The following C8orf34 variants were observed in gnomAD, a reference collection of about 807,000 sequenced individuals.
C8orf34 encodes the protein uncharacterized protein C8orf34.
Under a neutral mutation model 68.3 loss-of-function variants are expected in C8orf34, and 65 were observed. The observed-to-expected ratio is 0.95, with a 90% CI of 0.78 to 1.17. The LOEUF (loss-of-function observed/expected upper bound fraction) is 1.17, where lower values mean the gene tolerates loss of function less well. Ranked by LOEUF, C8orf34 falls within the 50% of genes most tolerant of loss-of-function variation. C8orf34 has a pLI of 0.00. For synonymous variants in C8orf34, 244 were observed against 241.2 expected (o/e 1.01, Z -0.11); for missense variants, 664 against 655.4 (o/e 1.01, Z -0.14).
In C8orf34 at chr8:68,627,113, A is replaced by AATT. The variant is rs1422901710; in HGVS notation, c.1106-13262_1106-13260dup. Among the ~76,000 whole-genome samples, 3 of 152,158 alleles carry AATT rather than the reference A, an allele frequency of 2.0e-5. 1 individual carries two copies. Among genetic ancestry groups the AATT allele is most frequent in the Admixed American group, 2.0e-4 (3 of 15,266 alleles). On this transcript the variant is annotated intron_variant, in intron 7 of 13. Transcript: ENST00000518698. ...TACCCATCATCTTACAATAATCAAT[A>AATT]ATTTACATAATCCTAGTCTTTTAGG...
At chr8:68,536,251 T>A (rs1220565586) in intron 7 of C8orf34, among the ~76,000 whole-genome samples, 1 of 148,816 alleles carries the variant, frequency 6.7e-6, no homozygotes, top group Non-Finnish European at 1.5e-5. Flanking sequence ...TGTGGTTGCA[T>A]GCACCTATAG....
chr8:68,482,112 C>G (rs1438450997), intron 4 of C8orf34, among the ~76,000 whole-genome samples: 2 of 152,148 alleles, frequency 1.3e-5, no homozygotes, highest in Non-Finnish European at 2.9e-5. Context: ...ACCAGATTAT[C>G]CTGTGCTATT....
intron 7 of C8orf34, among the ~76,000 whole-genome samples, chr8:68,562,651 G>C (rs79511873): frequency 6.6e-6 from 1 of 152,108 alleles, no homozygotes; most frequent in East Asian, 1.9e-4. Context: ...GTTGTTGTTT[G>C]TAAAAGGACT....
At chr8:68,413,641 A>G (rs921064800) in intron 1 of C8orf34, among the ~76,000 whole-genome samples, 3 of 152,126 alleles carry the variant, frequency 2.0e-5, no homozygotes, top group Non-Finnish European at 4.4e-5. Flanking sequence ...CAAGCCTGAC[A>G]CCTAGGTGGT....
chr8:68,440,153 C>T (rs983104154), intron 2 of C8orf34, among the ~76,000 whole-genome samples: 1 of 152,152 alleles, frequency 6.6e-6, no homozygotes, highest in African/African-American at 2.4e-5. Flanking sequence ...TCATAGCCTC[C>T]TCTCCCCAGT....
chr8:68,538,025 A>T (rs1815550918), intron 7 of C8orf34, among the ~76,000 whole-genome samples: 1 of 152,174 alleles, frequency 6.6e-6, no homozygotes, highest in South Asian at 2.1e-4. Flanking sequence ...CTAAACCCAT[A>T]AACAAATTAT....
chr8:68,467,828 G>A (rs1334462069), intron 3 of C8orf34, among the ~76,000 whole-genome samples: 1 of 151,984 alleles, frequency 6.6e-6, no homozygotes, highest in Non-Finnish European at 1.5e-5. Flanking sequence ...CTTAGGCCAA[G>A]TGTTGCCTTT....
chr8:68,480,400 T>C (rs1812808731), intron 4 of C8orf34, among the ~76,000 whole-genome samples: 1 of 152,190 alleles, frequency 6.6e-6, no homozygotes, highest in South Asian at 2.1e-4. Context: ...TATGTCTTTA[T>C]CAGCAGTGTG....
chr8:68,469,455 G>C (rs1812286884), intron 4 of C8orf34, among the ~76,000 whole-genome samples: 1 of 151,954 alleles, frequency 6.6e-6, no homozygotes, highest in African/African-American at 2.4e-5. Context: ...AGGTGTGAAG[G>C]TTTAAAAATG....
At chr8:68,443,258 G>T (rs939183874) in intron 2 of C8orf34, among the ~76,000 whole-genome samples, 5 of 151,980 alleles carry the variant, frequency 3.3e-5, no homozygotes, top group African/African-American at 1.2e-4. Context: ...TAGAGGGAAC[G>T]TATGGCAGGA....
rs185740185 is a variant in C8orf34 at position 68,455,738 on chromosome 8, C to T, written c.607+9278C>T. ...ATTCGATACAAATTTACATCTATTTCTTATTGTAAATATAATGAGGTTAAA... is the reference window on the plus strand; with the variant it reads ...ATTCGATACAAATTTACATCTATTTTTTATTGTAAATATAATGAGGTTAAA... On this transcript the variant is annotated intron_variant, in intron 3 of 13. Transcript: ENST00000518698. 2.2e-3 allele frequency among the ~76,000 whole-genome samples: 328 copies of T among 152,030 alleles called. 1 individual carries two copies. Among genetic ancestry groups the T allele is most frequent in the African/African-American group, 7.1e-3 (295 of 41,454 alleles).
intron 2 of C8orf34, 142 bp downstream of exon 2, chr8:68,439,788 TA>T (rs1810822891): frequency 1.5e-6 from 1 of 685,872 alleles, no homozygotes; most frequent in African/African-American, 1.8e-5. Context: ...ACCTAGATGC[TA>T]AAATTTGTCA....
chr8:68,616,974 G>T (rs934082465), intron 7 of C8orf34, among the ~76,000 whole-genome samples: 2 of 152,168 alleles, frequency 1.3e-5, no homozygotes, highest in African/African-American at 4.8e-5. Context: ...GGGTGTTCCT[G>T]TATTGGGTGC....
chr8:68,424,501 A>G (rs769840380), intron 1 of C8orf34, among the ~76,000 whole-genome samples: 1 of 152,186 alleles, frequency 6.6e-6, no homozygotes, highest in Non-Finnish European at 1.5e-5. Flanking sequence ...TATCAAGAAG[A>G]ATTGGATGTT....
chr8:68,816,134 T>TGTGTGTGTTTC (rs1563685769), intron 13 of C8orf34, among the ~76,000 whole-genome samples, 189 bp downstream of exon 13: 1 of 106,608 alleles, frequency 9.4e-6, no homozygotes, highest in African/African-American at 4.3e-5. Flanking sequence ...GTGTGTGTGT[T>TGTGTGTGTTTC]TCTCTGTGTG....
rs1463406309 is a variant in C8orf34, at chr8:68,535,047, TC to T, written c.1105+1899del. ...GGCAAGCAGTGTAATAATGTTGGTCTCTAGGTCATGAGATTATCCTCTTATA... is the reference window on the plus strand; with the variant it reads ...GGCAAGCAGTGTAATAATGTTGGTCTTAGGTCATGAGATTATCCTCTTATA... On this transcript the variant is annotated intron_variant, in intron 7 of 13. Coordinates refer to ENST00000518698, the MANE Select transcript of C8orf34 (RefSeq NM_052958.4). 139 of 985,468 alleles carry T rather than the reference TC, an allele frequency of 1.4e-4. 1 individual carries two copies. In the African/African-American group the frequency reaches 2.2e-3, roughly 16 times the overall value. The allele number at this position is 985,468 out of a possible 1,614,324, so 61.0% of individuals were successfully genotyped here. A position where few individuals can be genotyped will look rare whatever the true frequency, so the allele number is the denominator to read the frequency against.
chr8:68,345,032 C>G (rs1806223107), intron 1 of C8orf34, among the ~76,000 whole-genome samples: 1 of 151,682 alleles, frequency 6.6e-6, no homozygotes, highest in African/African-American at 2.4e-5. Context: ...CATGAGAGAG[C>G]AAGAGAAATG....
Position 68,567,577 on chromosome 8 carries a change from C to CTTTTTTTTTTTTTTTTTTTTT in C8orf34, c.1105+34443_1105+34463dup, listed in dbSNP as rs1160845483. 3.0e-4 allele frequency among the ~76,000 whole-genome samples: 9 copies of CTTTTTTTTTTTTTTTTTTTTT among 29,792 alleles called. 3 individuals are homozygous for CTTTTTTTTTTTTTTTTTTTTT. Among genetic ancestry groups the CTTTTTTTTTTTTTTTTTTTTT allele is most frequent in the East Asian group, 3.1e-3 (2 of 644 alleles). 19.5% of individuals were successfully genotyped at this position (29,792 alleles called of 152,430 possible). The stretch of plus-strand genomic sequence containing the variant: ...TCTTTTCAAATTTTGTTTCATTTAT[C>CTTTTTTTTTTTTTTTTTTTTT]TTTTTTTTTTTTTTTTTTTTTTTTT... On this transcript the variant is annotated intron_variant, in intron 7 of 13. Coordinates refer to ENST00000518698, the MANE Select transcript of C8orf34 (RefSeq NM_052958.4).
chr8:68,664,686 A>G (rs1819784561), intron 8 of C8orf34, among the ~76,000 whole-genome samples: 1 of 152,196 alleles, frequency 6.6e-6, no homozygotes, highest in South Asian at 2.1e-4. Flanking sequence ...ATTTGTAACA[A>G]GTTTAATCAG....
Sources: gnomAD v4.1 joint callset for allele counts (sites outside exome capture counted in the v4.1 genomes callset) on GRCh38, gnomAD v4.1.1 for gene constraint, MANE v1.5 for transcripts, NCBI Gene and HGNC (gene_info 2026-07-23, HGNC 2026-07-21) for gene names.